LRPPRC: variants seen among roughly 807,000 people sequenced by gnomAD.
LRPPRC encodes leucine rich pentatricopeptide repeat containing.
In LRPPRC, 120 loss-of-function variants were observed where a neutral mutation model predicts 180.3. That is an observed-to-expected ratio of 0.67 (90% CI 0.57 to 0.77). The LOEUF is 0.77. Ranked by LOEUF, LRPPRC falls within the 30% of genes least tolerant of loss-of-function variation. The pLI, the probability that LRPPRC is intolerant of heterozygous loss-of-function variation, is 0.00. For missense variants in LRPPRC, 2,012 were observed against 1,657.2 expected, an observed-to-expected ratio of 1.21 and a Z score of -3.72; for synonymous variants, 723 against 600.0, an observed-to-expected ratio of 1.21 and a Z score of -3.00.
At chr2:43,928,847 T>C (rs13384238) in intron 25 of LRPPRC, among the ~76,000 whole-genome samples, 75,643 of 151,836 alleles carry the variant, frequency 0.5, 20,113 homozygotes, top group East Asian at 0.95. Context: ...GGGGTTAGAG[T>C]TTGACCATCT....
At chr2:43,991,297 G>A (rs1674768138) in intron 1 of LRPPRC, among the ~76,000 whole-genome samples, 1 of 152,094 alleles carries the variant, frequency 6.6e-6, no homozygotes, top group African/African-American at 2.4e-5. Context: ...CTCCCAAAGT[G>A]CTGGGATTAT....
At chr2:43,969,481 G>C (rs749264477) in intron 11 of LRPPRC, among the ~76,000 whole-genome samples, 1 of 151,412 alleles carries the variant, frequency 6.6e-6, no homozygotes, top group East Asian at 1.9e-4. Flanking sequence ...AAATGCTAAA[G>C]CCTACATGTT....
intron 27 of LRPPRC, among the ~76,000 whole-genome samples, chr2:43,919,323 G>C (rs1671612610): frequency 6.6e-6 from 1 of 152,182 alleles, no homozygotes; most frequent in African/African-American, 2.4e-5. Flanking sequence ...GGGGGCTGCT[G>C]CCGTATAGTA....
chr2:43,890,177 T>C, intron 36 of LRPPRC: 1 of 426,658 alleles, frequency 2.3e-6, no homozygotes, highest in Non-Finnish European at 4.6e-6. Flanking sequence ...CTATGATAGT[T>C]CAAGTGACCA....
intron 36 of LRPPRC, chr2:43,890,220 C>A (rs1670437714): frequency 2.4e-6 from 1 of 410,226 alleles, no homozygotes; most frequent in African/African-American, 2.1e-5. Flanking sequence ...AAATAATACA[C>A]ACCATTCAAT....
At chr2:43,939,321 A>G (rs959554260) in intron 23 of LRPPRC, among the ~76,000 whole-genome samples, 6 of 151,134 alleles carry the variant, frequency 4.0e-5, no homozygotes, top group African/African-American at 1.5e-4. Context: ...AACAACAACA[A>G]CAAAAAACGA....
chr2:43,924,103 T>C (rs1321238118), intron 27 of LRPPRC, among the ~76,000 whole-genome samples: 1 of 152,182 alleles, frequency 6.6e-6, no homozygotes, highest in Non-Finnish European at 1.5e-5. Context: ...AGATGTAAAA[T>C]AAAGCTTTCA....
At chr2:43,947,546 A>C (rs1308435631) in intron 19 of LRPPRC, among the ~76,000 whole-genome samples, 176 bp from the exon 20 acceptor site, 1 of 152,014 alleles carries the variant, frequency 6.6e-6, no homozygotes, top group Non-Finnish European at 1.5e-5. Context: ...AAACCTTCTG[A>C]GATTATATGC....
intron 23 of LRPPRC, among the ~76,000 whole-genome samples, chr2:43,943,226 T>C (rs1428891480): frequency 6.6e-6 from 1 of 152,024 alleles, no homozygotes; most frequent in Non-Finnish European, 1.5e-5. Context: ...GCCCTATCAG[T>C]AAAATTCATC....
At chr2:43,974,083 C>CTA in intron 9 of LRPPRC, 67 bp downstream of exon 9, 1 of 1,455,664 alleles carries the variant, frequency 6.9e-7, no homozygotes, top group East Asian at 2.3e-5. Flanking sequence ...ATAAATGTTC[C>CTA]TATACTTTAA....
At chr2:43,947,700 G>A in intron 19 of LRPPRC, 31 bp downstream of exon 19, 1 of 1,285,070 alleles carries the variant, frequency 7.8e-7, no homozygotes, top group Non-Finnish European at 1.1e-6. Context: ...GGGTATTATA[G>A]CATGTAGAAT....
intron 12 of LRPPRC, among the ~76,000 whole-genome samples, chr2:43,962,211 T>C (rs941088171): frequency 5.9e-5 from 9 of 152,140 alleles, no homozygotes; most frequent in African/African-American, 2.2e-4. Flanking sequence ...GGGCTGTATT[T>C]CTGCAAAGAA....
chr2:43,955,143 C>A (rs1352772581), intron 14 of LRPPRC, among the ~76,000 whole-genome samples: 1 of 151,844 alleles, frequency 6.6e-6, no homozygotes, highest in African/African-American at 2.4e-5. Flanking sequence ...CCATAGCTTC[C>A]AACAAATTCT....
chr2:43,960,792 T>C (rs1673317165), intron 12 of LRPPRC, among the ~76,000 whole-genome samples, 158 bp from the exon 13 acceptor site: 1 of 152,246 alleles, frequency 6.6e-6, no homozygotes, highest in Non-Finnish European at 1.5e-5. Flanking sequence ...AATTTAAAGA[T>C]GACATTTCAG....
rs1327617531 is a variant in LRPPRC, at chr2:43,888,357, A to C, written c.*243T>G. On this transcript the variant is annotated 3_prime_UTR_variant, in exon 38 of 38. Coordinates refer to ENST00000260665, the MANE Select transcript of LRPPRC (RefSeq NM_133259.4). The stretch of plus-strand genomic sequence containing the variant: ...CCAATTAGGGGAAGAATCCTGAAAA[A>C]GTATGGCTTCACACAGCAGCAGCAT... 1 of 406,574 alleles carries C rather than the reference A, an allele frequency of 2.5e-6. No homozygotes were observed. The highest frequency in any genetic ancestry group is 4.5e-6 in the Non-Finnish European group (1 of 221,322). The allele number at this position is 406,574 out of a possible 1,614,324, so 25.2% of individuals were successfully genotyped here.
chr2:43,971,568 G>C (rs999858796), intron 11 of LRPPRC, among the ~76,000 whole-genome samples: 7 of 138,494 alleles, frequency 5.1e-5, no homozygotes, highest in Non-Finnish European at 1.1e-4. Flanking sequence ...TCCTATTGTT[G>C]AAAACTCTTG....
rs1271286624 is a variant in LRPPRC at position 43,888,481 on chromosome 2, T to C, written c.*119A>G. ...TGGTCAATAAGACTTTGAACATGCATCACACATACATAAGTACATAAAGAA... is the reference window on the plus strand; with the variant it reads ...TGGTCAATAAGACTTTGAACATGCACCACACATACATAAGTACATAAAGAA... On this transcript the variant is annotated 3_prime_UTR_variant, in exon 38 of 38. Transcript: ENST00000260665. The C allele has an allele frequency of 4.4e-6, 3 of 680,542 alleles. No homozygotes were observed. In the African/African-American group the frequency reaches 5.4e-5, roughly 12 times the overall value. 42.2% of individuals were successfully genotyped at this position (680,542 alleles called of 1,614,324 possible). A position where few individuals can be genotyped will look rare whatever the true frequency, so the allele number is the denominator to read the frequency against.
At chr2:43,934,400 A>G in intron 24 of LRPPRC, 104 bp from the exon 25 acceptor site, 1 of 659,958 alleles carries the variant, frequency 1.5e-6, no homozygotes, top group Non-Finnish European at 2.7e-6. Flanking sequence ...TATTTTAAAA[A>G]CAAATATTAA....
intron 2 of LRPPRC, among the ~76,000 whole-genome samples, chr2:43,981,375 T>C (rs1217340808): frequency 1.3e-5 from 2 of 151,776 alleles, no homozygotes; most frequent in Admixed American, 6.6e-5. Context: ...GGAATAAACA[T>C]CTAGACCAGG....
Sources: allele counts gnomAD v4.1 joint callset (sites outside exome capture counted in the v4.1 genomes callset), GRCh38; gene constraint gnomAD v4.1.1; transcripts MANE v1.5; gene names NCBI Gene and HGNC (gene_info 2026-07-23, HGNC 2026-07-21).